SEMA5A: variants seen among roughly 807,000 people sequenced by gnomAD.
SEMA5A encodes the protein semaphorin 5A.
Under a neutral mutation model 135.5 loss-of-function variants are expected in SEMA5A, and 55 were observed. The observed-to-expected ratio is 0.41, with a 90% CI of 0.33 to 0.51. The LOEUF (loss-of-function observed/expected upper bound fraction) is 0.51. SEMA5A is among the 20% of genes least tolerant of loss of function. SEMA5A has a pLI of 0.37. For missense variants in SEMA5A, 1,290 were observed against 1,419.9 expected (o/e 0.91, Z 1.47); for synonymous variants, 580 against 546.5 (o/e 1.06, Z -0.85).
At chr5:9,210,114 CA>C (rs1292618653) in intron 8 of SEMA5A, among the ~76,000 whole-genome samples, 1 of 152,202 alleles carries the variant, frequency 6.6e-6, no homozygotes, top group Non-Finnish European at 1.5e-5. Context: ...CATGTATATA[CA>C]GTTCATGCAA....
chr5:9,171,208 G>A (rs1040816835), intron 11 of SEMA5A, among the ~76,000 whole-genome samples: 1 of 152,112 alleles, frequency 6.6e-6, no homozygotes, highest in Non-Finnish European at 1.5e-5. Flanking sequence ...TCTGGGGAAG[G>A]GGTTGAGTTG....
chr5:9,060,459 C>T (rs1467329278), intron 18 of SEMA5A, among the ~76,000 whole-genome samples: 1 of 152,154 alleles, frequency 6.6e-6, no homozygotes, highest in African/African-American at 2.4e-5. Flanking sequence ...GGGACCCTGA[C>T]ATTCCCATGA....
intron 9 of SEMA5A, among the ~76,000 whole-genome samples, chr5:9,200,788 G>A (rs764753290): frequency 1.3e-5 from 2 of 152,180 alleles, no homozygotes; most frequent in Non-Finnish European, 2.9e-5. Context: ...TGCAGGTAAA[G>A]GGACTTTTTA....
rs2150006194 is a variant in SEMA5A at position 9,035,726 on chromosome 5, G to A, written c.*7171C>T. 1 of 152,238 alleles carries A rather than the reference G, an allele frequency of 6.6e-6. No homozygotes were observed. The highest frequency in any genetic ancestry group is 1.9e-4 in the East Asian group (1 of 5,186). The allele number at this position is 152,238 out of a possible 1,614,324, so 9.4% of individuals were successfully genotyped here. A position where few individuals can be genotyped will look rare whatever the true frequency, so the allele number is the denominator to read the frequency against. Reference sequence around the variant, plus strand: ...AATGCTTCAAATGTAAGGATTGAAAGAAAGTGTGGTGTGTCCATGGCCCCC... The same window carrying A: ...AATGCTTCAAATGTAAGGATTGAAAAAAAGTGTGGTGTGTCCATGGCCCCC... On this transcript the variant is annotated 3_prime_UTR_variant, in exon 23 of 23. Transcript: ENST00000382496.
At chr5:9,535,610 G>A (rs1427350361) in intron 1 of SEMA5A, among the ~76,000 whole-genome samples, 1 of 152,134 alleles carries the variant, frequency 6.6e-6, no homozygotes, top group African/African-American at 2.4e-5. Flanking sequence ...CGGCAGAGTG[G>A]GAATACTTTC....
intron 3 of SEMA5A, among the ~76,000 whole-genome samples, chr5:9,338,115 A>G (rs1396795787): frequency 2.0e-5 from 3 of 152,234 alleles, no homozygotes; most frequent in Admixed American, 6.5e-5. Flanking sequence ...AAAATAACAC[A>G]GCATTCACAT....
At chr5:9,382,967 T>C (rs1361555582) in intron 2 of SEMA5A, among the ~76,000 whole-genome samples, 1 of 152,138 alleles carries the variant, frequency 6.6e-6, no homozygotes, top group African/African-American at 2.4e-5. Flanking sequence ...GGGAAGAGTA[T>C]AGCTTCTATA....
chr5:9,477,772 T>C (rs984438960), intron 1 of SEMA5A, among the ~76,000 whole-genome samples: 3 of 152,140 alleles, frequency 2.0e-5, no homozygotes. Context: ...AACTTATATT[T>C]AAAAGGGAAG....
Position 9,353,098 on chromosome 5 carries a change from G to GAAAGGAAAGGGA in SEMA5A, c.125-15287_125-15286insTCCCTTTCCTTT, listed in dbSNP as rs1378151075. 6.0e-4 allele frequency among the ~76,000 whole-genome samples: 13 copies of GAAAGGAAAGGGA among 21,790 alleles called. 1 individual carries two copies. Among genetic ancestry groups the GAAAGGAAAGGGA allele is most frequent in the African/African-American group, 2.0e-3 (8 of 3,978 alleles). The allele number at this position is 21,790 out of a possible 152,430, so 14.3% of individuals were successfully genotyped here. On this transcript the variant is annotated intron_variant, in intron 3 of 22. Transcript: ENST00000382496. ...GGAAAGGAAAGGAAAGGAAAGGAAG[G>GAAAGGAAAGGGA]AAGGAAAGGAAAGGAAAGGAAAGGA...
chr5:9,052,063 T>G (rs1736615290), intron 19 of SEMA5A, 35 bp from the exon 20 acceptor site: 1 of 1,531,184 alleles, frequency 6.5e-7, no homozygotes, highest in Non-Finnish European at 8.8e-7. Flanking sequence ...TGGGGCGGAA[T>G]GGCCAGTAAG....
At chr5:9,165,795 C>A (rs932152904) in intron 11 of SEMA5A, among the ~76,000 whole-genome samples, 2 of 152,142 alleles carry the variant, frequency 1.3e-5, no homozygotes, top group Non-Finnish European at 2.9e-5. Flanking sequence ...GTCACCATGG[C>A]AACAGATCAT....
At chr5:9,125,634 G>A (rs1741066496) in intron 13 of SEMA5A, among the ~76,000 whole-genome samples, 1 of 151,702 alleles carries the variant, frequency 6.6e-6, no homozygotes, top group Non-Finnish European at 1.5e-5. Context: ...TGATACACTG[G>A]ATCCTACCCA....
chr5:9,095,297 G>C (rs1739255332), intron 16 of SEMA5A, among the ~76,000 whole-genome samples: 1 of 152,072 alleles, frequency 6.6e-6, no homozygotes, highest in Non-Finnish European at 1.5e-5. Flanking sequence ...ACCTAATGTA[G>C]ATGATGGGTT....
chr5:9,381,973 TGTGTGTGTGCGC>T (rs1178750348), intron 2 of SEMA5A, among the ~76,000 whole-genome samples: 3,780 of 132,490 alleles, frequency 0.029, 69 homozygotes, highest in Middle Eastern at 0.039. Flanking sequence ...TGTGTGTGTG[TGTGTGTGTGCGC>T]GCGCGCGCAC....
At chr5:9,283,651 C>A (rs1431260867) in intron 5 of SEMA5A, among the ~76,000 whole-genome samples, 3 of 152,148 alleles carry the variant, frequency 2.0e-5, no homozygotes, top group Non-Finnish European at 4.4e-5. Context: ...GGTAGGTCCA[C>A]CAGGGGGCAG....
intron 1 of SEMA5A, among the ~76,000 whole-genome samples, chr5:9,479,922 C>T (rs937118444): frequency 6.6e-6 from 1 of 152,226 alleles, no homozygotes; most frequent in African/African-American, 2.4e-5. Flanking sequence ...GTATAACAGG[C>T]ACTCACAAAA....
chr5:9,080,470 C>A (rs879890466), intron 16 of SEMA5A, among the ~76,000 whole-genome samples: 1 of 151,136 alleles, frequency 6.6e-6, no homozygotes, highest in Non-Finnish European at 1.5e-5. Context: ...TGCAGCAAAC[C>A]ATCATGGCAC....
chr5:9,104,939 C>T (rs1739828342), intron 16 of SEMA5A, among the ~76,000 whole-genome samples: 1 of 152,194 alleles, frequency 6.6e-6, no homozygotes, highest in Non-Finnish European at 1.5e-5. Flanking sequence ...GAAGTGGTCC[C>T]TCAATCAGCT....
chr5:9,316,450 T>C, intron 5 of SEMA5A, among the ~76,000 whole-genome samples: 1 of 152,176 alleles, frequency 6.6e-6, no homozygotes, highest in East Asian at 1.9e-4. Context: ...TAAAAAGAAA[T>C]GAATGCGTAT....
Sources: allele counts gnomAD v4.1 joint callset (sites outside exome capture counted in the v4.1 genomes callset), GRCh38; gene constraint gnomAD v4.1.1; transcripts MANE v1.5; gene names NCBI Gene and HGNC (gene_info 2026-07-23, HGNC 2026-07-21).